The following RNF145 variants were observed in gnomAD, a reference collection of about 807,000 sequenced individuals.
RNF145 encodes ring finger protein 145.
In RNF145, 12 loss-of-function variants were observed where a neutral mutation model predicts 57.3. That is an observed-to-expected ratio of 0.21 (90% CI 0.13 to 0.34). The LOEUF (loss-of-function observed/expected upper bound fraction) is 0.34. Ranked by LOEUF, RNF145 falls within the 10% of genes least tolerant of loss-of-function variation. The pLI is 1.00. For synonymous variants in RNF145, 262 were observed against 288.3 expected (o/e 0.91, Z 0.92); for missense variants, 429 against 799.0 (o/e 0.54, Z 5.58).
At chr5:159,187,315 G>T (rs1329879649) in intron 3 of RNF145, among the ~76,000 whole-genome samples, 1 of 145,938 alleles carries the variant, frequency 6.9e-6, no homozygotes, top group Non-Finnish European at 1.5e-5. Context: ...AATTTATCTA[G>T]TTTTTTTTTT....
At chr5:159,206,973 A>T in intron 1 of RNF145, among the ~76,000 whole-genome samples, 1 of 150,958 alleles carries the variant, frequency 6.6e-6, no homozygotes, top group Non-Finnish European at 1.5e-5. Flanking sequence ...AAAAAAAAAA[A>T]GGCATTTCTT....
intron 1 of RNF145, among the ~76,000 whole-genome samples, chr5:159,208,547 G>A (rs1461055116): frequency 1.3e-5 from 2 of 152,084 alleles, no homozygotes; most frequent in Admixed American, 6.5e-5. Context: ...ACTATAAAAG[G>A]GACTGACGGA....
At chr5:159,189,366 T>C (rs947215089) in intron 3 of RNF145, among the ~76,000 whole-genome samples, 2 of 152,256 alleles carry the variant, frequency 1.3e-5, no homozygotes, top group Admixed American at 1.3e-4. Context: ...TTTAACTTCA[T>C]TAGCCATCAG....
chr5:159,196,360 C>T (rs1785461741), intron 2 of RNF145, among the ~76,000 whole-genome samples: 1 of 151,598 alleles, frequency 6.6e-6, no homozygotes, highest in Admixed American at 6.6e-5. Flanking sequence ...CCCTGATATA[C>T]TTAATTACCA....
intron 3 of RNF145, among the ~76,000 whole-genome samples, chr5:159,183,010 T>C (rs531434697): frequency 6.6e-6 from 1 of 152,282 alleles, no homozygotes; most frequent in South Asian, 2.1e-4. Flanking sequence ...TAGCACTGCA[T>C]AGCCAAACAA....
intron 3 of RNF145, among the ~76,000 whole-genome samples, chr5:159,190,012 G>A (rs928676785): frequency 3.3e-5 from 5 of 152,192 alleles, no homozygotes; most frequent in African/African-American, 4.8e-5. Flanking sequence ...ACAACTCTGT[G>A]AATGTACTAC....
rs757148010 is a variant in RNF145, at chr5:159,158,745, G to A, written c.1917C>T (p.Asn639=). ...CTTTGGGGTCAAAAGCCCCTTCCTG[G>A]TTATCTGGTCGTCTGGCAATGTACT... ...NNEYIARRPD[N]QEGAFDPKEY... Residue 639 remains asparagine, a synonymous_variant, in exon 11 of 11, where the codon AAC becomes AAT. Transcript: ENST00000424310. 1 of 1,613,920 alleles carries A rather than the reference G, an allele frequency of 6.2e-7. No individual in the cohort carries two copies. Among genetic ancestry groups the A allele is most frequent in the East Asian group, 2.2e-5 (1 of 44,880 alleles).
rs1786027435 is a variant in RNF145 at position 159,209,473 on chromosome 5, G to GGGCCGAGCCCCTTAGCAGCCGGCGCC, written c.-308_-283dup. 1.0e-6 allele frequency: 1 copy of GGGCCGAGCCCCTTAGCAGCCGGCGCC among 982,308 alleles called. No individual in the cohort carries two copies. Among genetic ancestry groups the GGGCCGAGCCCCTTAGCAGCCGGCGCC allele is most frequent in the African/African-American group, 1.8e-5 (1 of 56,944 alleles). 60.8% of individuals were successfully genotyped at this position (982,308 alleles called of 1,614,324 possible). On this transcript the variant is annotated 5_prime_UTR_variant, in exon 1 of 11. Transcript: ENST00000424310. ...ATCGTCCGCGGCAGCAGGCGCTCGC[G>GGGCCGAGCCCCTTAGCAGCCGGCGCC]GGCCGAGCCCCTTAGCAGCCGGCGC...
intron 2 of RNF145, among the ~76,000 whole-genome samples, chr5:159,199,128 T>G (rs929829555): frequency 3.3e-5 from 5 of 152,134 alleles, no homozygotes; most frequent in African/African-American, 9.7e-5. Flanking sequence ...ACCCTTAGAA[T>G]GCAACATAAT....
chr5:159,188,209 C>T (rs1380237314), intron 3 of RNF145, among the ~76,000 whole-genome samples: 12 of 150,292 alleles, frequency 8.0e-5, no homozygotes, highest in African/African-American at 2.7e-4. Flanking sequence ...GGTGAAACCC[C>T]ATCTCTACTA....
At chr5:159,167,446 G>C (rs1784423998) in intron 8 of RNF145, among the ~76,000 whole-genome samples, 1 of 152,132 alleles carries the variant, frequency 6.6e-6, no homozygotes, top group Non-Finnish European at 1.5e-5. Context: ...AGTATCCTGG[G>C]AAGACCCACA....
At chr5:159,163,203 C>G (rs1475406494) in intron 8 of RNF145, 124 bp from the exon 9 acceptor site, 1 of 854,114 alleles carries the variant, frequency 1.2e-6, no homozygotes. Context: ...ACACCCTTCT[C>G]CATGCCAGTC....
intron 3 of RNF145, among the ~76,000 whole-genome samples, chr5:159,191,490 TTAA>T (rs1379757523): frequency 6.6e-6 from 1 of 152,186 alleles, no homozygotes; most frequent in Non-Finnish European, 1.5e-5. Flanking sequence ...TTATTAAAAC[TTAA>T]TAAAATCCTA....
chr5:159,163,121 TAG>T lies in RNF145; in HGVS notation c.1122-44_1122-43del, dbSNP rs775335335. ...TTATTCTTTTTAAGTGCCTGCCACC[TAG>T]TAGCACAACCACTCACATCAGCAGC... On this transcript the variant is annotated intron_variant, in intron 8 of 10. Coordinates refer to ENST00000424310, the MANE Select transcript of RNF145 (RefSeq NM_001199383.2). 2.1e-5 allele frequency: 33 copies of T among 1,548,606 alleles called. No individual in the cohort carries two copies. The African/African-American group carries it at 4.0e-4, about 19-fold the overall frequency.
chr5:159,181,875 A>T (rs1056712210), intron 4 of RNF145, 85 bp downstream of exon 4: 39 of 685,204 alleles, frequency 5.7e-5, no homozygotes, highest in South Asian at 1.7e-4. Flanking sequence ...ATTCCGTTTT[A>T]AAAAAAAATG....
chr5:159,205,851 C>T (rs1447731770), intron 1 of RNF145, among the ~76,000 whole-genome samples: 2 of 152,042 alleles, frequency 1.3e-5, no homozygotes, highest in African/African-American at 2.4e-5. Context: ...TTTTTCAATG[C>T]TTTGCTATTT....
chr5:159,169,001 T>C lies in RNF145; in HGVS notation c.993A>G (p.Ile331Met). ...ATGCCCGATGAACAACCTGCAGTTC[T>C]ATCAGCCCAGTCTGCACTGCCAGGA... ...LLILAVQTGL[I>M]ELQVVHRAFL... Residue 331 changes from isoleucine to methionine, a missense_variant, in exon 8 of 11, where the codon ATA becomes ATG. This residue lies in a region of RNF145 where 216 missense variants were observed against 457.6 expected (regional missense o/e 0.47). Coordinates refer to ENST00000424310, the MANE Select transcript of RNF145 (RefSeq NM_001199383.2). 6.2e-7 allele frequency: 1 copy of C among 1,608,316 alleles called. No homozygotes were observed. Among genetic ancestry groups the C allele is most frequent in the Non-Finnish European group, 8.5e-7 (1 of 1,178,378 alleles).
chr5:159,178,185 G>A (rs1022996074), intron 4 of RNF145, among the ~76,000 whole-genome samples: 3 of 151,418 alleles, frequency 2.0e-5, no homozygotes, highest in Admixed American at 2.0e-4. Flanking sequence ...GTAATTTTTA[G>A]CTAATTTTTA....
intron 6 of RNF145, among the ~76,000 whole-genome samples, chr5:159,170,279 ACTC>A (rs1784504640): frequency 6.6e-6 from 1 of 151,954 alleles, no homozygotes; most frequent in South Asian, 2.1e-4. Flanking sequence ...AGGGTGTATC[ACTC>A]CTCCTACTCC....
Sources: gnomAD v4.1 joint callset for allele counts (sites outside exome capture counted in the v4.1 genomes callset) on GRCh38, gnomAD v4.1.1 for gene constraint, gnomAD v4.1.1 regional missense constraint, MANE v1.5 for transcripts, NCBI Gene and HGNC (gene_info 2026-07-23, HGNC 2026-07-21) for gene names.